Variants in SPDL1 observed in about 807,000 individuals in gnomAD.
SPDL1 encodes the protein spindle apparatus coiled-coil protein 1.
Under a neutral mutation model 79.5 loss-of-function variants are expected in SPDL1, and 85 were observed. The observed-to-expected ratio is 1.07, with a 90% confidence interval of 0.90 to 1.28. The LOEUF (loss-of-function observed/expected upper bound fraction) is 1.28. Among genes scored for constraint, SPDL1 ranks in the 50% most tolerant of loss-of-function variants. SPDL1 has a pLI of 0.00. For synonymous variants in SPDL1, 269 were observed against 240.3 expected, an observed-to-expected ratio of 1.12 and a Z score of -1.10; for missense variants, 703 against 697.8, an observed-to-expected ratio of 1.01 and a Z score of -0.08.
chr5:169,588,585 T>C lies in SPDL1; in HGVS notation c.159+10T>C, dbSNP rs1046233131. On this transcript the variant is annotated intron_variant, in intron 2 of 11. Coordinates refer to ENST00000265295, the MANE Select transcript of SPDL1 (RefSeq NM_017785.5). The stretch of plus-strand genomic sequence containing the variant: ...GATGACCATGACTGAGGTAGGACTC[T>C]GGACTCCTCTGTCTGCAAGAGTGTG... 2 of 1,604,026 alleles carry C rather than the reference T, an allele frequency of 1.2e-6. No homozygotes were observed. Among genetic ancestry groups the C allele is most frequent in the African/African-American group, 1.3e-5 (1 of 74,460 alleles).
rs565112405 is a variant in SPDL1 at position 169,594,564 on chromosome 5, T to C, written c.781-7T>C. ...CCAGAACAATTAAGCATGTTAATAT[T>C]TTGTAGGTGGAAGATCGAAGGGCAG... On this transcript the variant is annotated splice_polypyrimidine_tract_variant and splice_region_variant and intron_variant, in intron 6 of 11. Transcript: ENST00000265295. 1.9e-6 allele frequency: 3 copies of C among 1,613,214 alleles called. No individual in the cohort carries two copies. In the African/African-American group the frequency reaches 4.0e-5, roughly 22 times the overall value.
intron 11 of SPDL1, among the ~76,000 whole-genome samples, chr5:169,602,761 C>G (rs376567588): frequency 6.6e-6 from 1 of 152,164 alleles, no homozygotes; most frequent in African/African-American, 2.4e-5. Flanking sequence ...ACCTCTGAGT[C>G]ACATAAAATA....
intron 1 of SPDL1, among the ~76,000 whole-genome samples, chr5:169,585,203 G>GC (rs1317933660): frequency 1.3e-5 from 2 of 152,044 alleles, no homozygotes; most frequent in African/African-American, 2.4e-5. Flanking sequence ...TCTACGCGCT[G>GC]CCCCCCAGAT....
intron 7 of SPDL1, chr5:169,595,483 TAAGTG>T (rs1176701058): frequency 2.6e-5 from 4 of 152,194 alleles, no homozygotes; most frequent in Admixed American, 2.0e-4. Context: ...CCTCATCTAT[TAAGTG>T]AAGATGATAG....
At chr5:169,597,660 AT>A (rs1755659843) in intron 8 of SPDL1, among the ~76,000 whole-genome samples, 1 of 152,218 alleles carries the variant, frequency 6.6e-6, no homozygotes, top group African/African-American at 2.4e-5. Context: ...CTTAGGGAAC[AT>A]TGATATCTTC....
chr5:169,591,008 T>A (rs776052326), intron 2 of SPDL1, 40 bp from the exon 3 acceptor site: 11 of 1,528,768 alleles, frequency 7.2e-6, no homozygotes, highest in Middle Eastern at 1.7e-4. Flanking sequence ...GGCTTTAGGC[T>A]ATTTTTATGT....
intron 3 of SPDL1, 43 bp downstream of exon 3, chr5:169,591,267 A>G (rs1201914947): frequency 6.3e-7 from 1 of 1,578,912 alleles, no homozygotes; most frequent in Admixed American, 1.8e-5. Flanking sequence ...TTCCATATTT[A>G]TGCAGCCATC....
rs779082588 is a variant in SPDL1 at position 169,594,411 on chromosome 5, T to C, written c.699T>C (p.Asn233=). The C allele has an allele frequency of 6.2e-7, 1 of 1,614,112 alleles. No homozygotes were observed. Among genetic ancestry groups the C allele is most frequent in the African/African-American group, 1.3e-5 (1 of 75,058 alleles). ...YNALEKARVA[N]QDLQVQLDQA... is the part of the protein sequence containing the mutation. ...GAATTTAGAAAGCTCGTGTAGCAAA[T>C]CAAGATCTTCAGGTACAGTTGGACC... Residue 233 remains asparagine, a synonymous_variant, in exon 6 of 12, where the codon AAT becomes AAC. Transcript: ENST00000265295.
Position 169,604,269 on chromosome 5 carries a change from T to C in SPDL1, c.*62T>C, listed in dbSNP as rs541611757. The stretch of plus-strand genomic sequence containing the variant: ...TCAAAAGTTACTATGGTGCTTAAGA[T>C]TGTCTTGATCTGACATATATCACCT... On this transcript the variant is annotated 3_prime_UTR_variant, in exon 12 of 12. Transcript: ENST00000265295. 7.0e-7 allele frequency: 1 copy of C among 1,430,428 alleles called. No homozygotes were observed. The highest frequency in any genetic ancestry group is 9.3e-7 in the Non-Finnish European group (1 of 1,073,764). The allele number at this position is 1,430,428 out of a possible 1,614,324, so 88.6% of individuals were successfully genotyped here.
Position 169,601,203 on chromosome 5 carries a change from C to T in SPDL1, c.1325-77C>T, listed in dbSNP as rs146797631. The T allele has an allele frequency of 2.7e-3, 3,545 of 1,293,944 alleles. 64 individuals carry two copies. In the South Asian group the frequency reaches 0.032, roughly 12 times the overall value. 80.2% of individuals were successfully genotyped at this position (1,293,944 alleles called of 1,614,324 possible). A position where few individuals can be genotyped will look rare whatever the true frequency, so the allele number is the denominator to read the frequency against. ...AGAATGGAAAAAGGTATACATATAA[C>T]TAGTTCTGGCTTCTTGTGTTGATTG... On this transcript the variant is annotated intron_variant, in intron 10 of 11. Transcript: ENST00000265295.
At position 169,593,476 on chromosome 5, in the gene SPDL1, A is replaced by T. The variant is rs1755407978; in HGVS notation, c.459A>T (p.Glu153Asp). The T allele has an allele frequency of 3.7e-6, 6 of 1,614,020 alleles. No individual in the cohort carries two copies. The African/African-American group carries it at 4.0e-5, about 11-fold the overall frequency. The change falls in exon 4 of 12, where the codon GAA (glutamate) becomes GAT (aspartate). Residue 153 changes from glutamate to aspartate, a missense_variant. Coordinates refer to ENST00000265295, the MANE Select transcript of SPDL1 (RefSeq NM_017785.5). The part of the protein sequence containing the change: ...CKSEELRVMS[E>D]RVQESMSSEM... The stretch of plus-strand genomic sequence containing the variant: ...CAGAGGAACTGCGCGTAATGTCTGA[A>T]CGTGTGCAGGAAAGCATGTCTTCAG...
chr5:169,590,712 G>A, intron 2 of SPDL1: 1 of 462,118 alleles, frequency 2.2e-6, no homozygotes, highest in Non-Finnish European at 4.3e-6. Flanking sequence ...TAATTCTCAT[G>A]AGGAAAGCTT....
chr5:169,588,166 G>A (rs1755077700), intron 1 of SPDL1, among the ~76,000 whole-genome samples: 1 of 152,206 alleles, frequency 6.6e-6, no homozygotes, highest in Non-Finnish European at 1.5e-5. Flanking sequence ...AAAATTAAAT[G>A]TATTCTATTC....
At chr5:169,597,123 C>G (rs898971518) in intron 8 of SPDL1, among the ~76,000 whole-genome samples, 6 of 152,110 alleles carry the variant, frequency 3.9e-5, no homozygotes, top group African/African-American at 1.4e-4. Flanking sequence ...TATTTCCTTA[C>G]TCTATGGCAC....
intron 1 of SPDL1, among the ~76,000 whole-genome samples, chr5:169,585,016 CAA>C (rs11415643): frequency 2.2e-5 from 3 of 138,270 alleles, no homozygotes; most frequent in Admixed American, 7.2e-5. Context: ...GACTCCGTCT[CAA>C]AAAAAAAAAA....
In SPDL1 at chr5:169,594,580, C is replaced by G. The variant is rs754488294; in HGVS notation, c.790C>G (p.Arg264Gly). The change falls in exon 7 of 12, where the codon CGA becomes GGA. Residue 264 changes from arginine to glycine, a missense_variant. Transcript: ENST00000265295. ...GNSLFAEVED[R>G]RAAMERQLIS... ...TGTTAATATTTTGTAGGTGGAAGAT[C>G]GAAGGGCAGCAATGGAACGTCAGCT... is the stretch of plus-strand genomic sequence containing the variant. The G allele has an allele frequency of 5.0e-6, 8 of 1,613,522 alleles. No homozygotes were observed. The Admixed American group carries it at 6.7e-5, about 13-fold the overall frequency.
At chr5:169,584,393 T>G (rs1754869655) in intron 1 of SPDL1, among the ~76,000 whole-genome samples, 1 of 152,226 alleles carries the variant, frequency 6.6e-6, no homozygotes, top group Non-Finnish European at 1.5e-5. Flanking sequence ...CGTACATGAC[T>G]CGCGTTATAT....
intron 7 of SPDL1, 32 bp from the exon 8 acceptor site, chr5:169,596,529 T>C: frequency 6.3e-7 from 1 of 1,583,308 alleles, no homozygotes; most frequent in Non-Finnish European, 8.6e-7. Flanking sequence ...TCTCACTTAA[T>C]TTTATTAGAG....
At chr5:169,595,290 A>C (rs1325729640) in intron 7 of SPDL1, 1 of 152,198 alleles carries the variant, frequency 6.6e-6, no homozygotes. Context: ...CACTCTACTG[A>C]GGTAGTAATT....
Sources: gnomAD v4.1 joint callset for allele counts (sites outside exome capture counted in the v4.1 genomes callset) on GRCh38, gnomAD v4.1.1 for gene constraint, MANE v1.5 for transcripts, NCBI Gene and HGNC (gene_info 2026-07-23, HGNC 2026-07-21) for gene names.